The following NRG3 variants were observed in gnomAD, a reference collection of about 807,000 sequenced individuals.
NRG3 encodes the protein neuregulin 3.
A neutral mutation model predicts 66.9 loss-of-function variants in NRG3; 31 were observed. That is an observed-to-expected ratio of 0.46 (90% CI 0.35 to 0.63). The LOEUF is 0.63. Among genes scored for constraint, NRG3 ranks in the 20% least tolerant of loss-of-function variants. The pLI is 0.00. For missense variants in NRG3, 910 were observed against 878.9 expected (o/e 1.04, Z -0.45); for synonymous variants, 393 against 359.4 (o/e 1.09, Z -1.06).
intron 1 of NRG3, among the ~76,000 whole-genome samples, chr10:82,331,854 T>A (rs1459139299): frequency 1.3e-5 from 2 of 152,194 alleles, no homozygotes; most frequent in African/African-American, 4.8e-5. Context: ...TAGAACCCCT[T>A]CAACATTTGG....
At chr10:82,330,280 A>G (rs2135262187) in intron 1 of NRG3, among the ~76,000 whole-genome samples, 1 of 152,302 alleles carries the variant, frequency 6.6e-6, no homozygotes, top group Non-Finnish European at 1.5e-5. Context: ...ATAATTATAT[A>G]AACTTTACAC....
At chr10:82,892,113 G>T (rs932840401) in intron 4 of NRG3, among the ~76,000 whole-genome samples, 1 of 152,152 alleles carries the variant, frequency 6.6e-6, no homozygotes, top group African/African-American at 2.4e-5. Flanking sequence ...ACTTGGTTGG[G>T]ATATATTATA....
intron 3 of NRG3, among the ~76,000 whole-genome samples, chr10:82,792,715 T>C (rs1183570761): frequency 6.6e-6 from 1 of 152,092 alleles, no homozygotes; most frequent in East Asian, 1.9e-4. Context: ...AGTTTTGCTC[T>C]TGTAGCCCAG....
At chr10:82,408,818 A>C (rs2087823848) in intron 2 of NRG3, among the ~76,000 whole-genome samples, 1 of 151,948 alleles carries the variant, frequency 6.6e-6, no homozygotes. Flanking sequence ...CTGTATTTCC[A>C]AGGAGGAATA....
chr10:82,292,863 G>A (rs985812265), intron 1 of NRG3, among the ~76,000 whole-genome samples: 4 of 152,124 alleles, frequency 2.6e-5, no homozygotes, highest in African/African-American at 9.7e-5. Context: ...AGGGAAGTGA[G>A]GAAGCTTATA....
chr10:82,495,166 A>C (rs1399819358), intron 2 of NRG3, among the ~76,000 whole-genome samples: 1 of 151,918 alleles, frequency 6.6e-6, no homozygotes, highest in Non-Finnish European at 1.5e-5. Context: ...CAAACTCCTG[A>C]CCTCGTGATC....
At chr10:82,003,997 A>G in intron 1 of NRG3, among the ~76,000 whole-genome samples, 1 of 113,272 alleles carries the variant, frequency 8.8e-6, no homozygotes, top group Admixed American at 9.1e-5. Flanking sequence ...AAACACACAC[A>G]CACACACACA....
intron 3 of NRG3, among the ~76,000 whole-genome samples, chr10:82,812,845 CA>C (rs1237685899): frequency 6.6e-6 from 1 of 152,052 alleles, no homozygotes; most frequent in African/African-American, 2.4e-5. Flanking sequence ...CTACATAGTA[CA>C]AAAAATATGT....
chr10:82,049,579 G>A (rs1156404302), intron 1 of NRG3, among the ~76,000 whole-genome samples: 2 of 151,984 alleles, frequency 1.3e-5, no homozygotes, highest in Non-Finnish European at 2.9e-5. Context: ...TGTTGTTTCT[G>A]CTTTTTCTTT....
intron 2 of NRG3, among the ~76,000 whole-genome samples, chr10:82,424,893 A>C (rs965000367): frequency 3.9e-5 from 6 of 151,960 alleles, no homozygotes; most frequent in Admixed American, 3.3e-4. Flanking sequence ...TTAAAAAAAA[A>C]TTCTTTCCTC....
chr10:82,171,149 GTA>G (rs1207712123), intron 1 of NRG3, among the ~76,000 whole-genome samples: 1 of 151,580 alleles, frequency 6.6e-6, no homozygotes, highest in Non-Finnish European at 1.5e-5. Context: ...AATGTATTTG[GTA>G]TGAAGTATTT....
Position 82,221,704 on chromosome 10 carries a change from G to T in NRG3, c.824-137035G>T, listed in dbSNP as rs12412408. 3.0e-3 allele frequency among the ~76,000 whole-genome samples: 451 copies of T among 152,232 alleles called. 1 individual carries two copies. The highest frequency in any genetic ancestry group is 0.01 in the African/African-American group (419 of 41,534). ...AAATAAAACAAGTGATTTCATGTAG[G>T]TGCTATAGAATCTTTAACCAAACCA... On this transcript the variant is annotated intron_variant, in intron 1 of 8. Transcript: ENST00000372141.
intron 3 of NRG3, among the ~76,000 whole-genome samples, chr10:82,788,802 C>T (rs1418739878): frequency 2.0e-5 from 3 of 151,908 alleles, no homozygotes; most frequent in African/African-American, 7.3e-5. Context: ...TTAAATCATA[C>T]CCTATGTGGT....
At chr10:82,657,015 C>T (rs1591048351) in intron 2 of NRG3, among the ~76,000 whole-genome samples, 1 of 151,972 alleles carries the variant, frequency 6.6e-6, no homozygotes, top group Admixed American at 6.6e-5. Context: ...CCCACACACC[C>T]GTATATCTCA....
At chr10:82,926,136 A>T (rs1405084981) in intron 4 of NRG3, among the ~76,000 whole-genome samples, 1 of 152,232 alleles carries the variant, frequency 6.6e-6, no homozygotes, top group Non-Finnish European at 1.5e-5. Flanking sequence ...AACTCCACCA[A>T]GTTCCAAAAA....
intron 2 of NRG3, among the ~76,000 whole-genome samples, chr10:82,584,675 A>AG (rs1163933861): frequency 6.6e-6 from 1 of 152,138 alleles, no homozygotes; most frequent in African/African-American, 2.4e-5. Context: ...TTTCTGCTTA[A>AG]GTGATCTCCT....
At chr10:81,912,374 A>G (rs1395930908) in intron 1 of NRG3, among the ~76,000 whole-genome samples, 2 of 152,118 alleles carry the variant, frequency 1.3e-5, no homozygotes, top group Non-Finnish European at 2.9e-5. Flanking sequence ...GGTGTGTAAC[A>G]CCAAACCTGG....
At chr10:81,957,979 A>G (rs1479252738) in intron 1 of NRG3, among the ~76,000 whole-genome samples, 3 of 152,230 alleles carry the variant, frequency 2.0e-5, no homozygotes, top group Non-Finnish European at 2.9e-5. Context: ...CACATTTGAT[A>G]TAAGTCTCAT....
In NRG3 at chr10:82,058,153, G is replaced by A. The variant is rs961319750; in HGVS notation, c.823+181990G>A. On this transcript the variant is annotated intron_variant, in intron 1 of 8. Transcript: ENST00000372141. ...ACTTTTATATATACAAGTCTCATTGGGTGCTTCATCTTTGTGTTTTCTCTT... is the reference window on the plus strand; with the variant it reads ...ACTTTTATATATACAAGTCTCATTGAGTGCTTCATCTTTGTGTTTTCTCTT... Among the ~76,000 whole-genome samples the A allele has an allele frequency of 2.0e-4, 30 of 151,816 alleles. 1 individual carries two copies. Among genetic ancestry groups the A allele is most frequent in the Admixed American group, 1.3e-4 (2 of 15,230 alleles).
Sources: allele counts gnomAD v4.1 joint callset (sites outside exome capture counted in the v4.1 genomes callset), GRCh38; gene constraint gnomAD v4.1.1; transcripts MANE v1.5; gene names NCBI Gene and HGNC (gene_info 2026-07-23, HGNC 2026-07-21).